AKAP10: variants seen among roughly 807,000 people sequenced by gnomAD.
AKAP10 encodes A-kinase anchoring protein 10.
Under a neutral mutation model 80.8 loss-of-function variants are expected in AKAP10, and 24 were observed. That is an observed-to-expected ratio of 0.30 (90% CI 0.22 to 0.42). AKAP10 has a LOEUF of 0.42. Among genes scored for constraint, AKAP10 ranks in the 10% least tolerant of loss-of-function variants. The pLI, the probability that AKAP10 is intolerant of heterozygous loss-of-function variation, is 1.00. For missense variants in AKAP10, 661 were observed against 794.9 expected (o/e 0.83, Z 2.03); for synonymous variants, 291 against 277.7 (o/e 1.05, Z -0.48).
intron 2 of AKAP10, chr17:19,967,845 T>C (rs978904063): frequency 6.6e-6 from 1 of 150,706 alleles, no homozygotes; most frequent in African/African-American, 2.4e-5. Context: ...ATGGCACCAC[T>C]GCACTCCAGC....
chr17:19,962,293 TATACACACACAC>T (rs2043361374), intron 3 of AKAP10, among the ~76,000 whole-genome samples: 5 of 132,068 alleles, frequency 3.8e-5, no homozygotes, highest in Admixed American at 7.7e-5. Context: ...CATACATACA[TATACACACACAC>T]ACACACACAC....
intron 7 of AKAP10, 68 bp from the exon 8 acceptor site, chr17:19,939,917 T>A: frequency 1.3e-6 from 2 of 1,499,374 alleles, no homozygotes; most frequent in Non-Finnish European, 1.8e-6. Flanking sequence ...CTCTAATCTA[T>A]AAGCTCAAAT....
chr17:19,962,788 A>G (rs2043368658), intron 3 of AKAP10, 52 bp downstream of exon 3: 3 of 1,547,272 alleles, frequency 1.9e-6, no homozygotes, highest in South Asian at 2.3e-5. Context: ...AGTTTCACAT[A>G]TTGTACTCAA....
At chr17:19,916,545 C>T (rs955587269) in intron 12 of AKAP10, among the ~76,000 whole-genome samples, 3 of 151,944 alleles carry the variant, frequency 2.0e-5, no homozygotes, top group Non-Finnish European at 2.9e-5. Context: ...CTGCAAACAC[C>T]GAACACCTAT....
At chr17:19,915,032 A>G (rs527932937) in intron 12 of AKAP10, among the ~76,000 whole-genome samples, 1 of 152,242 alleles carries the variant, frequency 6.6e-6, no homozygotes, top group African/African-American at 2.4e-5. Context: ...TAACGTATGC[A>G]TAGGGCAAGA....
intron 4 of AKAP10, among the ~76,000 whole-genome samples, chr17:19,956,672 T>C (rs1437716500): frequency 2.6e-5 from 4 of 152,040 alleles, no homozygotes; most frequent in Non-Finnish European, 4.4e-5. Flanking sequence ...GGAGTACAAG[T>C]GTGTGCCACT....
At chr17:19,953,350 GAA>G (rs76771727) in intron 4 of AKAP10, among the ~76,000 whole-genome samples, 1 of 139,574 alleles carries the variant, frequency 7.2e-6, no homozygotes. Flanking sequence ...GCAACTTGGA[GAA>G]AAAAAAAAGA....
At chr17:19,911,234 G>T (rs566288562) in intron 12 of AKAP10, among the ~76,000 whole-genome samples, 1 of 151,962 alleles carries the variant, frequency 6.6e-6, no homozygotes, top group Non-Finnish European at 1.5e-5. Flanking sequence ...CTGTTCTCTC[G>T]TCAGGCCCCC....
intron 4 of AKAP10, among the ~76,000 whole-genome samples, chr17:19,954,296 G>A (rs1404997573): frequency 6.6e-6 from 1 of 152,088 alleles, no homozygotes; most frequent in Non-Finnish European, 1.5e-5. Flanking sequence ...AACAGGCCTA[G>A]ACAAATATGG....
At chr17:19,918,093 G>A (rs756595782) in intron 12 of AKAP10, among the ~76,000 whole-genome samples, 7 of 151,520 alleles carry the variant, frequency 4.6e-5, no homozygotes, top group South Asian at 2.1e-4. Flanking sequence ...GGTGGCACGC[G>A]CCTGTAATCC....
chr17:19,937,105 GAA>G (rs35718069), intron 8 of AKAP10, among the ~76,000 whole-genome samples: 16 of 145,006 alleles, frequency 1.1e-4, no homozygotes, highest in African/African-American at 2.8e-4. Flanking sequence ...TTAAATGCGA[GAA>G]AAAAAAAAAG....
chr17:19,957,081 G>C (rs1597520976), intron 4 of AKAP10, among the ~76,000 whole-genome samples: 1 of 151,946 alleles, frequency 6.6e-6, no homozygotes, highest in East Asian at 1.9e-4. Context: ...GAACATGAAG[G>C]CTGTCTAATC....
chr17:19,909,873 A>G lies in AKAP10; in HGVS notation c.1887+53T>C, dbSNP rs367737225. Reference sequence around the variant, plus strand: ...AAGGAAAATTTTAAACCTCACTTACATGAGGGTGGCACTTATAAACAGAAA... The same window carrying G: ...AAGGAAAATTTTAAACCTCACTTACGTGAGGGTGGCACTTATAAACAGAAA... On this transcript the variant is annotated intron_variant, in intron 13 of 14. Coordinates refer to ENST00000225737, the MANE Select transcript of AKAP10 (RefSeq NM_007202.4). 8.4e-6 allele frequency: 13 copies of G among 1,548,790 alleles called. No homozygotes were observed. In the Admixed American group the frequency reaches 1.4e-4, roughly 17 times the overall value.
chr17:19,919,492 T>TA (rs1651953763), intron 12 of AKAP10, among the ~76,000 whole-genome samples: 1 of 152,064 alleles, frequency 6.6e-6, no homozygotes, highest in African/African-American at 2.4e-5. Flanking sequence ...GAGACCAGCC[T>TA]AGCCAACGTG....
At chr17:19,947,549 G>A (rs2043148523) in intron 4 of AKAP10, 44 bp from the exon 5 acceptor site, 3 of 1,282,898 alleles carry the variant, frequency 2.3e-6, no homozygotes, top group African/African-American at 2.9e-5. Flanking sequence ...AAGCAACTTG[G>A]ACTCCAGTAA....
At chr17:19,921,957 A>C (rs1229730634) in intron 11 of AKAP10, among the ~76,000 whole-genome samples, 1 of 152,226 alleles carries the variant, frequency 6.6e-6, no homozygotes, top group Admixed American at 6.5e-5. Flanking sequence ...ACTGTGAATG[A>C]AAGTACAACG....
chr17:19,909,833 A>G (rs2042669779), intron 13 of AKAP10, 93 bp downstream of exon 13: 9 of 1,092,616 alleles, frequency 8.2e-6, no homozygotes, highest in African/African-American at 1.6e-5. Flanking sequence ...CTGCTTAAAC[A>G]TGGGACCTAA....
At chr17:19,915,230 G>GT (rs1204807453) in intron 12 of AKAP10, among the ~76,000 whole-genome samples, 1 of 152,188 alleles carries the variant, frequency 6.6e-6, no homozygotes, top group African/African-American at 2.4e-5. Flanking sequence ...TCTAAAATGT[G>GT]TAACACGAAT....
chr17:19,962,778 A>C, intron 3 of AKAP10, 62 bp downstream of exon 3: 1 of 1,509,656 alleles, frequency 6.6e-7, no homozygotes. Flanking sequence ...CTATGACAGA[A>C]GTTTCACATA....
Sources: gnomAD v4.1 joint callset for allele counts (sites outside exome capture counted in the v4.1 genomes callset) on GRCh38, gnomAD v4.1.1 for gene constraint, MANE v1.5 for transcripts, NCBI Gene and HGNC (gene_info 2026-07-23, HGNC 2026-07-21) for gene names.